WDR1: variants seen among roughly 807,000 people sequenced by gnomAD.
WDR1 encodes WD repeat-containing protein 1.
Under a neutral mutation model 71.9 loss-of-function variants are expected in WDR1, and 21 were observed. The ratio of observed to expected loss-of-function variants is 0.29; its 90% CI spans 0.21 to 0.42. The LOEUF is 0.42. WDR1 is among the 10% of genes least tolerant of loss of function. WDR1 has a pLI of 1.00. For missense variants in WDR1, 696 were observed against 824.5 expected (o/e 0.84, Z 1.91); for synonymous variants, 424 against 347.4 (o/e 1.22, Z -2.45).
chr4:10,088,991 A>C (rs908554038), intron 5 of WDR1, among the ~76,000 whole-genome samples: 1 of 152,210 alleles, frequency 6.6e-6, no homozygotes, highest in Admixed American at 6.5e-5. Flanking sequence ...GAGCGAAGGC[A>C]GACCACCTCC....
intron 11 of WDR1, among the ~76,000 whole-genome samples, chr4:10,080,895 C>T (rs1330980193): frequency 1.3e-5 from 2 of 152,238 alleles, no homozygotes; most frequent in African/African-American, 2.4e-5. Flanking sequence ...AGGAGACTTA[C>T]ATGTACTTCC....
intron 2 of WDR1, among the ~76,000 whole-genome samples, chr4:10,115,255 G>A (rs927484270): frequency 3.9e-5 from 6 of 152,214 alleles, no homozygotes; most frequent in Admixed American, 2.0e-4. Flanking sequence ...AAATTTAAGC[G>A]TGTAACCCAG....
chr4:10,082,725 CAG>C (rs1765065339), intron 10 of WDR1, among the ~76,000 whole-genome samples: 1 of 152,222 alleles, frequency 6.6e-6, no homozygotes, highest in African/African-American at 2.4e-5. Context: ...GAAAGGGACA[CAG>C]GGAGAGACCG....
chr4:10,077,828 G>A lies in WDR1; in HGVS notation c.1494C>T (p.Ser498=). The change falls in exon 13 of 15, where the codon TCC becomes TCT. Residue 498 remains serine (S), a synonymous_variant. Coordinates refer to ENST00000499869, the MANE Select transcript of WDR1 (RefSeq NM_017491.5). The part of the protein sequence containing the change: ...AKGPVTDVAY[S]HDGAFLAVCD... ...ACACCGCGAGGAAGGCGCCGTCGTG[G>A]GAGTAGGCCACGTCGGTCACGGGGC... 1.2e-6 allele frequency: 2 copies of A among 1,609,052 alleles called. No homozygotes were observed. Among genetic ancestry groups the A allele is most frequent in the Non-Finnish European group, 1.7e-6 (2 of 1,177,856 alleles).
intron 2 of WDR1, among the ~76,000 whole-genome samples, chr4:10,109,377 C>T (rs918259763): frequency 1.2e-4 from 19 of 152,372 alleles, no homozygotes; most frequent in South Asian, 2.1e-4. Context: ...CCATATGTGG[C>T]GGCCTTTACT....
In WDR1 at chr4:10,116,350, G is replaced by A. The variant is rs377426881; in HGVS notation, c.17-116C>T. On this transcript the variant is annotated intron_variant, in intron 1 of 14. Transcript: ENST00000499869. Reference sequence around the variant, plus strand: ...GGTCACCTGTTGACTGCGCCGGGAGGGCGGCCTCCACTTTCCACGAGCGCC... The same window carrying A: ...GGTCACCTGTTGACTGCGCCGGGAGAGCGGCCTCCACTTTCCACGAGCGCC... 3,223 of 1,455,926 alleles carry A rather than the reference G, an allele frequency of 2.2e-3. 54 individuals are homozygous for A. In the South Asian group the frequency reaches 0.026, roughly 12 times the overall value. 90.2% of individuals were successfully genotyped at this position (1,455,926 alleles called of 1,614,324 possible). A position where few individuals can be genotyped will look rare whatever the true frequency, so the allele number is the denominator to read the frequency against.
Position 10,075,491 on chromosome 4 carries a change from A to T in WDR1, c.1715-7T>A. On this transcript the variant is annotated splice_region_variant and splice_polypyrimidine_tract_variant and intron_variant, in intron 14 of 14. Transcript: ENST00000499869. The stretch of plus-strand genomic sequence containing the variant: ...TGGTGCAGCCGGTGTGCATCTGGGA[A>T]GAAAGGGTGCAATTTAACGAAAAGC... 1.2e-6 allele frequency: 2 copies of T among 1,613,768 alleles called. No homozygotes were observed. Among genetic ancestry groups the T allele is most frequent in the Non-Finnish European group, 1.7e-6 (2 of 1,179,756 alleles).
chr4:10,113,000 C>T (rs147742178), intron 2 of WDR1, among the ~76,000 whole-genome samples: 46 of 152,250 alleles, frequency 3.0e-4, no homozygotes, highest in Admixed American at 2.4e-3. Context: ...GACAGAAGGC[C>T]GGGGATGGAA....
intron 8 of WDR1, among the ~76,000 whole-genome samples, chr4:10,085,584 G>A (rs955048380): frequency 5.9e-5 from 9 of 152,184 alleles, no homozygotes; most frequent in Non-Finnish European, 1.2e-4. Flanking sequence ...ACGTGCACTC[G>A]GCAAGAGGCC....
At chr4:10,102,631 A>G (rs1712744826) in intron 3 of WDR1, among the ~76,000 whole-genome samples, 1 of 152,174 alleles carries the variant, frequency 6.6e-6, no homozygotes, top group Non-Finnish European at 1.5e-5. Flanking sequence ...TTAGTCGTAA[A>G]TTACCCAGCC....
At chr4:10,100,872 ATCCACACATGCACACATG>A (rs1379321225) in intron 3 of WDR1, among the ~76,000 whole-genome samples, 7 of 152,214 alleles carry the variant, frequency 4.6e-5, no homozygotes, top group African/African-American at 1.4e-4. Flanking sequence ...GAGCATACAT[ATCCACACATGCACACATG>A]TCCACACATG....
At position 10,092,921 on chromosome 4, in the gene WDR1, G is replaced by A. The variant is rs925929481; in HGVS notation, c.559-4180C>T. ...CCTCATCCCTGGTGGACAACTGACG[G>A]TGTCCGGTCCACACTCCTGCCTGTC... On this transcript the variant is annotated intron_variant, in intron 5 of 14. Coordinates refer to ENST00000499869, the MANE Select transcript of WDR1 (RefSeq NM_017491.5). 8 of 541,848 alleles carry A rather than the reference G, an allele frequency of 1.5e-5. No individual in the cohort carries two copies. The Admixed American group carries it at 1.7e-4, about 11-fold the overall frequency. The allele number at this position is 541,848 out of a possible 1,614,324, so 33.6% of individuals were successfully genotyped here. A position where few individuals can be genotyped will look rare whatever the true frequency, so the allele number is the denominator to read the frequency against.
intron 3 of WDR1, among the ~76,000 whole-genome samples, chr4:10,101,400 AC>A (rs1277942104): frequency 2.0e-5 from 3 of 150,556 alleles, no homozygotes; most frequent in African/African-American, 4.9e-5. Context: ...TCTCCAAACC[AC>A]CCCCCTACCA....
At chr4:10,099,282 G>T in intron 3 of WDR1, 143 bp from the exon 4 acceptor site, 1 of 678,842 alleles carries the variant, frequency 1.5e-6, no homozygotes, top group Non-Finnish European at 2.5e-6. Context: ...CTTTCTAGAG[G>T]AAAAGGCCTA....
Position 10,075,313 on chromosome 4 carries a change from C to A in WDR1, c.*65G>T. The stretch of plus-strand genomic sequence containing the variant: ...GCGCGTCACAGAAATAGAGAAATGA[C>A]ATGTTCCGCTGCAGTTAAACTCTAG... On this transcript the variant is annotated 3_prime_UTR_variant, in exon 15 of 15. Transcript: ENST00000499869. The A allele has an allele frequency of 6.9e-7, 1 of 1,456,756 alleles. No individual in the cohort carries two copies. Among genetic ancestry groups the A allele is most frequent in the Middle Eastern group, 1.8e-4 (1 of 5,672 alleles). 90.2% of individuals were successfully genotyped at this position (1,456,756 alleles called of 1,614,324 possible).
At position 10,078,878 on chromosome 4, in the gene WDR1, G is replaced by T. The variant is rs567411300; in HGVS notation, c.1395+13C>A. 6.2e-7 allele frequency: 1 copy of T among 1,609,640 alleles called. No individual in the cohort carries two copies. The highest frequency in any genetic ancestry group is 1.3e-5 in the African/African-American group (1 of 74,966). ...CAAGGACAGAGAGCACGGGGGAGAGGAAAGCGACTTACCACACCCCCAATT... is the reference window on the plus strand; with the variant it reads ...CAAGGACAGAGAGCACGGGGGAGAGTAAAGCGACTTACCACACCCCCAATT... On this transcript the variant is annotated intron_variant, in intron 12 of 14. Transcript: ENST00000499869.
intron 4 of WDR1, 41 bp from the exon 5 acceptor site, chr4:10,097,932 A>G: frequency 2.7e-6 from 4 of 1,503,890 alleles, no homozygotes; most frequent in Non-Finnish European, 3.6e-6. Flanking sequence ...AAAAAAAAAA[A>G]AAAATCAATC....
At chr4:10,095,391 A>G (rs1018936066) in intron 5 of WDR1, among the ~76,000 whole-genome samples, 28 of 152,348 alleles carry the variant, frequency 1.8e-4, no homozygotes, top group African/African-American at 6.5e-4. Context: ...AGGCTTTCCG[A>G]CCACATCAGA....
chr4:10,090,596 C>T (rs1175571646), intron 5 of WDR1, among the ~76,000 whole-genome samples: 1 of 152,236 alleles, frequency 6.6e-6, no homozygotes, highest in African/African-American at 2.4e-5. Context: ...CAGCCAACAA[C>T]CCAAACTTGC....
Sources: gnomAD v4.1 joint callset for allele counts (sites outside exome capture counted in the v4.1 genomes callset) on GRCh38, gnomAD v4.1.1 for gene constraint, MANE v1.5 for transcripts, NCBI Gene and HGNC (gene_info 2026-07-23, HGNC 2026-07-21) for gene names.